CCDC152: variants seen among roughly 807,000 people sequenced by gnomAD.
The protein encoded by CCDC152 is coiled-coil domain containing 152.
CCDC152 carries 37 observed loss-of-function variants against 38.1 expected under a neutral mutation model. That is an observed-to-expected ratio of 0.97 (90% CI 0.75 to 1.28). The LOEUF is 1.28. CCDC152 is among the 50% of genes most tolerant of loss of function. The pLI, the probability that CCDC152 is intolerant of heterozygous loss-of-function variation, is 0.00. For synonymous variants in CCDC152, 83 were observed against 87.1 expected (o/e 0.95, Z 0.26); for missense variants, 259 against 292.1 (o/e 0.89, Z 0.83).
At chr5:42,768,944 G>A (rs1347580962) in intron 3 of CCDC152, among the ~76,000 whole-genome samples, 3 of 152,264 alleles carry the variant, frequency 2.0e-5, no homozygotes, top group African/African-American at 7.2e-5. Context: ...TTGGCTTAAT[G>A]AGTGAGTTAA....
intron 3 of CCDC152, among the ~76,000 whole-genome samples, chr5:42,768,070 G>A (rs1481171570): frequency 6.6e-6 from 1 of 152,122 alleles, no homozygotes; most frequent in Non-Finnish European, 1.5e-5. Flanking sequence ...GCACCTTATA[G>A]CATCACAAAG....
chr5:42,788,972 C>T (rs896059175), intron 6 of CCDC152, among the ~76,000 whole-genome samples: 11 of 152,264 alleles, frequency 7.2e-5, no homozygotes, highest in African/African-American at 1.2e-4. Flanking sequence ...CAGTGGCCCA[C>T]GACAGGTACA....
At chr5:42,775,173 A>C (rs568937595) in intron 4 of CCDC152, among the ~76,000 whole-genome samples, 1 of 152,164 alleles carries the variant, frequency 6.6e-6, no homozygotes, top group East Asian at 1.9e-4. Flanking sequence ...ATAATGACTG[A>C]GAATTTCCCC....
intron 4 of CCDC152, among the ~76,000 whole-genome samples, chr5:42,775,805 T>A (rs759655634): frequency 1.9e-4 from 29 of 152,078 alleles, no homozygotes; most frequent in Non-Finnish European, 2.7e-4. Context: ...GAAGGAATTA[T>A]GAATACTTTA....
chr5:42,785,510 G>A (rs1012420373), intron 6 of CCDC152, among the ~76,000 whole-genome samples: 38 of 151,994 alleles, frequency 2.5e-4, no homozygotes, highest in Admixed American at 1.9e-3. Context: ...GGTTTTCTAG[G>A]TGTAGAATCT....
intron 4 of CCDC152, among the ~76,000 whole-genome samples, chr5:42,773,216 A>T (rs533419426): frequency 1.3e-5 from 2 of 152,308 alleles, no homozygotes; most frequent in East Asian, 3.9e-4. Flanking sequence ...GAGACTTTTC[A>T]GTTACAATGA....
chr5:42,799,869 A>G lies in CCDC152; in HGVS notation c.*88A>G, dbSNP rs1760139992. 3 of 1,377,982 alleles carry G rather than the reference A, an allele frequency of 2.2e-6. No individual in the cohort carries two copies. The highest frequency in any genetic ancestry group is 3.0e-6 in the Non-Finnish European group (3 of 1,009,512). The allele number at this position is 1,377,982 out of a possible 1,614,324, so 85.4% of individuals were successfully genotyped here. A position where few individuals can be genotyped will look rare whatever the true frequency, so the allele number is the denominator to read the frequency against. Reference sequence around the variant, plus strand: ...TTCAATATATGCATACAGCCTACATAACAAACGAAGTCAGCTTTAAGGTTT... The same window carrying G: ...TTCAATATATGCATACAGCCTACATGACAAACGAAGTCAGCTTTAAGGTTT... On this transcript the variant is annotated 3_prime_UTR_variant, in exon 9 of 9. Coordinates refer to ENST00000361970, the MANE Select transcript of CCDC152 (RefSeq NM_001134848.2).
intron 6 of CCDC152, among the ~76,000 whole-genome samples, chr5:42,795,988 G>A (rs1760069598): frequency 6.6e-6 from 1 of 150,656 alleles, no homozygotes. Context: ...ACTATCGCAA[G>A]GACAAAAAAC....
chr5:42,769,263 T>C (rs917011006), intron 3 of CCDC152, among the ~76,000 whole-genome samples: 1 of 151,796 alleles, frequency 6.6e-6, no homozygotes, highest in African/African-American at 2.4e-5. Context: ...AAAAAAAAAT[T>C]ATATTTTTCC....
intron 6 of CCDC152, among the ~76,000 whole-genome samples, chr5:42,796,340 G>A (rs962232691): frequency 1.1e-4 from 16 of 151,596 alleles, no homozygotes; most frequent in Admixed American, 6.6e-5. Flanking sequence ...AGATTTTCTT[G>A]AGCCTCTCAT....
At chr5:42,778,955 T>A (rs1347872097) in intron 4 of CCDC152, among the ~76,000 whole-genome samples, 1 of 152,220 alleles carries the variant, frequency 6.6e-6, no homozygotes, top group Non-Finnish European at 1.5e-5. Flanking sequence ...CCAACCTATA[T>A]AGCATCTCCT....
chr5:42,801,611 C>A lies in CCDC152; in HGVS notation c.*1830C>A. 1 of 442,964 alleles carries A rather than the reference C, an allele frequency of 2.3e-6. No individual in the cohort carries two copies. 27.4% of individuals were successfully genotyped at this position (442,964 alleles called of 1,614,324 possible). On this transcript the variant is annotated 3_prime_UTR_variant, in exon 9 of 9. Transcript: ENST00000361970. ...GATTGCAGGAAAGTCAAAGTAATATCAAATCCTAAATTCAGTTGATCTGGG... is the reference window on the plus strand; with the variant it reads ...GATTGCAGGAAAGTCAAAGTAATATAAAATCCTAAATTCAGTTGATCTGGG...
At chr5:42,779,916 G>A (rs1160760784) in intron 5 of CCDC152, among the ~76,000 whole-genome samples, 1 of 151,678 alleles carries the variant, frequency 6.6e-6, no homozygotes, top group Non-Finnish European at 1.5e-5. Flanking sequence ...TTATGATTTG[G>A]GTAATCATTA....
chr5:42,783,149 C>T (rs1010190958), intron 5 of CCDC152, among the ~76,000 whole-genome samples: 3 of 151,744 alleles, frequency 2.0e-5, no homozygotes, highest in Non-Finnish European at 2.9e-5. Flanking sequence ...GGATTACAAG[C>T]GTGAGCCACC....
chr5:42,799,602 T>C, intron 8 of CCDC152, 57 bp from the exon 9 acceptor site: 1 of 1,335,574 alleles, frequency 7.5e-7, no homozygotes, highest in Non-Finnish European at 1.0e-6. Context: ...TATTTTGTTG[T>C]TCCTTGTACT....
Position 42,801,006 on chromosome 5 carries a change from C to T in CCDC152, c.*1225C>T. ...CAACTCTGAATCTGTGGGCAATTTA[C>T]AGAGTAATTGATTTATACATCTCTT... is the stretch of plus-strand genomic sequence containing the variant. On this transcript the variant is annotated 3_prime_UTR_variant, in exon 9 of 9. Coordinates refer to ENST00000361970, the MANE Select transcript of CCDC152 (RefSeq NM_001134848.2). 6.2e-7 allele frequency: 1 copy of T among 1,614,210 alleles called. No homozygotes were observed.
At chr5:42,784,509 T>TC (rs1759892981) in intron 6 of CCDC152, among the ~76,000 whole-genome samples, 1 of 152,218 alleles carries the variant, frequency 6.6e-6, no homozygotes, top group African/African-American at 2.4e-5. Context: ...TGAATATTAG[T>TC]CCTTTGGTGG....
intron 6 of CCDC152, among the ~76,000 whole-genome samples, chr5:42,795,871 A>G (rs1369531116): frequency 6.6e-6 from 1 of 151,898 alleles, no homozygotes; most frequent in Non-Finnish European, 1.5e-5. Context: ...CTGGATTAAG[A>G]AAATGTGGCA....
At position 42,801,394 on chromosome 5, in the gene CCDC152, A is replaced by G; in HGVS notation, c.*1613A>G. 7.9e-7 allele frequency: 1 copy of G among 1,261,016 alleles called. No individual in the cohort carries two copies. Among genetic ancestry groups the G allele is most frequent in the Non-Finnish European group, 1.1e-6 (1 of 911,322 alleles). The allele number at this position is 1,261,016 out of a possible 1,614,324, so 78.1% of individuals were successfully genotyped here. A position where few individuals can be genotyped will look rare whatever the true frequency, so the allele number is the denominator to read the frequency against. ...TAGAGATAGGAATAATGCGTGAAAA[A>G]TGATTTGTAGAGCTAACATGTGAAA... On this transcript the variant is annotated 3_prime_UTR_variant, in exon 9 of 9. Transcript: ENST00000361970.
Sources: allele counts gnomAD v4.1 joint callset (sites outside exome capture counted in the v4.1 genomes callset), GRCh38; gene constraint gnomAD v4.1.1; transcripts MANE v1.5; gene names NCBI Gene and HGNC (gene_info 2026-07-23, HGNC 2026-07-21).